JHY: variants seen among roughly 807,000 people sequenced by gnomAD.
JHY encodes junctional cadherin complex regulator, also known as jhy protein homolog.
JHY carries 69 observed loss-of-function variants against 78.0 expected under a neutral mutation model. The ratio of observed to expected loss-of-function variants is 0.88; its 90% CI spans 0.73 to 1.08. The LOEUF (loss-of-function observed/expected upper bound fraction) is 1.08. Among genes scored for constraint, JHY ranks in the 50% least tolerant of loss-of-function variants. JHY has a pLI of 0.00. For synonymous variants in JHY, 368 were observed against 342.6 expected (o/e 1.07, Z -0.82); for missense variants, 944 against 927.8 (o/e 1.02, Z -0.23).
intron 2 of JHY, among the ~76,000 whole-genome samples, chr11:122,896,616 G>A (rs1261600617): frequency 2.0e-5 from 3 of 152,154 alleles, no homozygotes; most frequent in Non-Finnish European, 4.4e-5. Flanking sequence ...ACCACTTAGT[G>A]TATCACAAGA....
intron 3 of JHY, among the ~76,000 whole-genome samples, chr11:122,911,578 A>G (rs1863125687): frequency 6.6e-6 from 1 of 152,192 alleles, no homozygotes; most frequent in Non-Finnish European, 1.5e-5. Context: ...AGATACTGAT[A>G]ATACCTCAAA....
At chr11:122,938,207 C>G (rs1011582636) in intron 5 of JHY, among the ~76,000 whole-genome samples, 10 of 152,162 alleles carry the variant, frequency 6.6e-5, no homozygotes, top group Admixed American at 5.9e-4. Context: ...ATGGGTAGTT[C>G]CTTTCAACCA....
intron 4 of JHY, among the ~76,000 whole-genome samples, chr11:122,925,934 T>C (rs1321627035): frequency 6.6e-6 from 1 of 151,950 alleles, no homozygotes; most frequent in East Asian, 1.9e-4. Flanking sequence ...GGAGAATCAC[T>C]TGAACCTGGA....
chr11:122,894,510 C>T (rs976177674), intron 2 of JHY, among the ~76,000 whole-genome samples: 7 of 152,148 alleles, frequency 4.6e-5, no homozygotes, highest in African/African-American at 1.7e-4. Flanking sequence ...TGTAAGCTGT[C>T]GCTGAATGAG....
At chr11:122,918,903 G>C (rs1423990225) in intron 3 of JHY, among the ~76,000 whole-genome samples, 1 of 146,540 alleles carries the variant, frequency 6.8e-6, no homozygotes, top group Non-Finnish European at 1.5e-5. Flanking sequence ...AGAAAAAGCA[G>C]TTACCAGGGT....
At position 122,957,479 on chromosome 11, in the gene JHY, C is replaced by T. The variant is rs766961617; in HGVS notation, c.2127C>T (p.Ile709=). Residue 709 remains isoleucine, a synonymous_variant, in exon 8 of 9, where the codon ATC becomes ATT. Transcript: ENST00000227349. ...QTEKTQKKSA[I]PRQKALEYAK... ...AAAAAACTCAAAAGAAATCTGCTAT[C>T]CCTCGGCAGAAGGTAAGAAATTCTC... The T allele has an allele frequency of 5.2e-6, 8 of 1,532,080 alleles. No homozygotes were observed. The Admixed American group carries it at 2.0e-4, about 38-fold the overall frequency. The allele number at this position is 1,532,080 out of a possible 1,614,324, so 94.9% of individuals were successfully genotyped here. A position where few individuals can be genotyped will look rare whatever the true frequency, so the allele number is the denominator to read the frequency against.
At chr11:122,953,429 C>A (rs1864133009) in intron 6 of JHY, among the ~76,000 whole-genome samples, 1 of 151,660 alleles carries the variant, frequency 6.6e-6, no homozygotes, top group African/African-American at 2.4e-5. Flanking sequence ...ATGGTGAAAC[C>A]CTGCCTCACT....
chr11:122,953,028 A>C (rs1864122141), intron 6 of JHY, among the ~76,000 whole-genome samples: 2 of 152,356 alleles, frequency 1.3e-5, no homozygotes, highest in African/African-American at 4.8e-5. Context: ...CAAAAAGAGC[A>C]ATCTTGTGGC....
In JHY at chr11:122,898,682, ATAGCCTCTG is replaced by A. The variant is rs1180135757; in HGVS notation, c.345-5239_345-5231del. On this transcript the variant is annotated intron_variant, in intron 2 of 8. Transcript: ENST00000227349. This position sits in a 1 kb window ranked among gnomAD's most constrained non-coding sequence, Gnocchi z 4.4. ...TTCTAAGTTTTCCAAAAAGGACTTC[ATAGCCTCTG>A]TAGATAATCCCTTCCAGAAAGTCCT... Among the ~76,000 whole-genome samples the A allele has an allele frequency of 4.6e-5, 7 of 152,362 alleles. No homozygotes were observed. In the East Asian group the frequency reaches 1.3e-3, roughly 29 times the overall value.
At position 122,882,850 on chromosome 11, in the gene JHY, C is replaced by G. The variant is rs1335817835; in HGVS notation, c.-212C>G. The G allele has an allele frequency of 1.3e-5, 2 of 152,764 alleles. No homozygotes were observed. The highest frequency in any genetic ancestry group is 3.9e-4 in the East Asian group (2 of 5,172). The allele number at this position is 152,764 out of a possible 1,614,324, so 9.5% of individuals were successfully genotyped here. A position where few individuals can be genotyped will look rare whatever the true frequency, so the allele number is the denominator to read the frequency against. ...TCCTGCCCCGCCCATGTGGCGCCGGCGTCTGTGTTGTCTGCGGTCTCCAGG... is the reference window on the plus strand; with the variant it reads ...TCCTGCCCCGCCCATGTGGCGCCGGGGTCTGTGTTGTCTGCGGTCTCCAGG... On this transcript the variant is annotated 5_prime_UTR_variant, in exon 1 of 9. Transcript: ENST00000227349.
In JHY at chr11:122,904,135, G is replaced by A; in HGVS notation, c.555G>A (p.Gln185=). The A allele has an allele frequency of 6.2e-7, 1 of 1,614,170 alleles. No individual in the cohort carries two copies. The highest frequency in any genetic ancestry group is 8.5e-7 in the Non-Finnish European group (1 of 1,180,020). Residue 185 remains glutamine, a synonymous_variant, in exon 3 of 9, where the codon CAG becomes CAA. Coordinates refer to ENST00000227349, the MANE Select transcript of JHY (RefSeq NM_024806.4). ...GGKGEQKESP[Q]SAASLLGSEF... is the part of the protein sequence containing the mutation. ...AAGGCGAGCAGAAAGAGAGTCCACA[G>A]AGTGCAGCTTCTTTACTTGGTAGTG... is the stretch of plus-strand genomic sequence containing the variant.
At position 122,934,726 on chromosome 11, in the gene JHY, G is replaced by A. The variant is rs1386745497; in HGVS notation, c.1285G>A (p.Ala429Thr). The A allele has an allele frequency of 5.6e-6, 9 of 1,614,012 alleles. No individual in the cohort carries two copies. Among genetic ancestry groups the A allele is most frequent in the Non-Finnish European group, 7.6e-6 (9 of 1,180,040 alleles). ...TAACAATGATGTACAAGCCTCAAGG[G>A]CACTTAGAAGCCACAATCTCAAAGA... ...ASNNDVQASR[A>T]LRSHNLKETS... is the part of the protein sequence containing the mutation. Residue 429 changes from alanine to threonine, a missense_variant, in exon 5 of 9, where the codon GCA becomes ACA. Ala to Thr is a moderately conservative substitution (Grantham distance 58, BLOSUM62 0). Transcript: ENST00000227349.
intron 3 of JHY, among the ~76,000 whole-genome samples, chr11:122,904,924 G>A (rs1309441717): frequency 6.6e-6 from 1 of 152,094 alleles, no homozygotes; most frequent in African/African-American, 2.4e-5. Flanking sequence ...GGGTGACATG[G>A]AACATGCCCC....
At chr11:122,946,839 TAC>T (rs757313359) in intron 6 of JHY, 47 bp downstream of exon 6, 1 of 1,556,356 alleles carries the variant, frequency 6.4e-7, no homozygotes, top group South Asian at 1.3e-5. Context: ...ATTTTGAGAA[TAC>T]AGATGGACCT....
At chr11:122,930,845 G>A (rs1477123095) in intron 4 of JHY, among the ~76,000 whole-genome samples, 1 of 152,152 alleles carries the variant, frequency 6.6e-6, no homozygotes, top group African/African-American at 2.4e-5. Context: ...GTCTGTTTGT[G>A]CTGCTATAAC....
At chr11:122,901,984 C>T (rs1057181466) in intron 2 of JHY, among the ~76,000 whole-genome samples, 3 of 152,044 alleles carry the variant, frequency 2.0e-5, no homozygotes, top group African/African-American at 7.2e-5. Context: ...TCACTGTCTT[C>T]CACGTCCATA....
chr11:122,901,333 A>G (rs1357506148), intron 2 of JHY, among the ~76,000 whole-genome samples: 2 of 152,218 alleles, frequency 1.3e-5, no homozygotes, highest in Non-Finnish European at 2.9e-5. Flanking sequence ...GGCCTAGGAC[A>G]TTACTGTAAG....
rs747603706 is a variant in JHY, at chr11:122,960,102, C to T, written c.*657C>T. The stretch of plus-strand genomic sequence containing the variant: ...TACAAAAATTAGCTAGGCGTGGTGG[C>T]GCATGTCTATAGTTCCAGGTACTCA... On this transcript the variant is annotated 3_prime_UTR_variant, in exon 9 of 9. Coordinates refer to ENST00000227349, the MANE Select transcript of JHY (RefSeq NM_024806.4). Among the ~76,000 whole-genome samples, 2 of 152,002 alleles carry T rather than the reference C, an allele frequency of 1.3e-5. No individual in the cohort carries two copies. Among genetic ancestry groups the T allele is most frequent in the South Asian group, 2.1e-4 (1 of 4,822 alleles).
At chr11:122,906,531 A>G (rs1862998088) in intron 3 of JHY, among the ~76,000 whole-genome samples, 2 of 152,180 alleles carry the variant, frequency 1.3e-5, no homozygotes, top group Admixed American at 1.3e-4. Context: ...ATCTCAAACT[A>G]GGACAATATT....
Sources: allele counts gnomAD v4.1 joint callset (sites outside exome capture counted in the v4.1 genomes callset), GRCh38; gene constraint gnomAD v4.1.1; non-coding constraint Gnocchi (gnomAD v3.1); transcripts MANE v1.5; gene names NCBI Gene and HGNC (gene_info 2026-07-23, HGNC 2026-07-21).